Variants in IGFL2 observed in about 807,000 individuals in gnomAD.
IGFL2 encodes the protein insulin growth factor-like family member 2.
IGFL2 carries 7 observed loss-of-function variants against 13.9 expected under a neutral mutation model. That is an observed-to-expected ratio of 0.51 (90% CI 0.29 to 0.95). The LOEUF (loss-of-function observed/expected upper bound fraction) is 0.95. IGFL2 is among the 40% of genes least tolerant of loss of function. The probability of loss-of-function intolerance (pLI) is 0.08; values close to 1 mark genes in which losing one functional copy is unlikely to be tolerated. For missense variants in IGFL2, 138 were observed against 147.8 expected (o/e 0.93, Z 0.34); for synonymous variants, 55 against 55.8 (o/e 0.99, Z 0.07).
the IGFL2 span, among the ~76,000 whole-genome samples, chr19:46,084,899 A>T: frequency 6.6e-6 from 1 of 152,302 alleles, no homozygotes; most frequent in East Asian, 1.9e-4. Context: ...ACGTTGCAAA[A>T]TACAACCATG....
At chr19:46,206,196 C>T in the IGFL2 span, among the ~76,000 whole-genome samples, 1 of 152,116 alleles carries the variant, frequency 6.6e-6, no homozygotes, top group Non-Finnish European at 1.5e-5. Context: ...TCTGACACCC[C>T]CTGCCCCGTC....
At chr19:46,133,584 C>G in the IGFL2 span, among the ~76,000 whole-genome samples, 1 of 152,354 alleles carries the variant, frequency 6.6e-6, no homozygotes, top group Middle Eastern at 3.4e-3. Context: ...TGGGCCTGTT[C>G]AGGCATGCCA....
the IGFL2 span, chr19:46,213,343 T>G: frequency 6.6e-6 from 1 of 152,502 alleles, no homozygotes; most frequent in Admixed American, 6.5e-5. Context: ...CCAGCCTGTC[T>G]CTGCAGGAGG....
At chr19:46,188,274 T>TG in the IGFL2 span, among the ~76,000 whole-genome samples, 1 of 152,144 alleles carries the variant, frequency 6.6e-6, no homozygotes, top group South Asian at 2.1e-4. Flanking sequence ...TCAGGGTTAG[T>TG]GGGGGGCCCA....
At chr19:46,123,186 T>C in the IGFL2 span, among the ~76,000 whole-genome samples, 16 of 150,756 alleles carry the variant, frequency 1.1e-4, no homozygotes. Flanking sequence ...TTAGAAACCA[T>C]AATAAAAGGA....
chr19:46,100,402 C>T, the IGFL2 span, among the ~76,000 whole-genome samples: 11 of 152,190 alleles, frequency 7.2e-5, no homozygotes, highest in African/African-American at 2.4e-4. Context: ...ATTTTAAGGG[C>T]TCCAAATTTA....
At chr19:46,141,543 C>G (rs1461005803), upstream of IGFL2, among the ~76,000 whole-genome samples, 1 of 152,128 alleles carries the variant, frequency 6.6e-6, no homozygotes, top group African/African-American at 2.4e-5. Flanking sequence ...GCCTGCCTTT[C>G]CCTCTAGCAC....
At chr19:46,124,437 G>C in the IGFL2 span, 1 of 1,260,870 alleles carries the variant, frequency 7.9e-7, no homozygotes, top group East Asian at 2.4e-5. Flanking sequence ...TTATCACTTG[G>C]GGCTAAGTCT....
chr19:46,150,061 T>TA (rs1483290187), intron 1 of IGFL2, among the ~76,000 whole-genome samples: 1 of 152,252 alleles, frequency 6.6e-6, no homozygotes, highest in Non-Finnish European at 1.5e-5. Flanking sequence ...TCCTGTTTAT[T>TA]ACAGTCATCT....
the IGFL2 span, among the ~76,000 whole-genome samples, chr19:46,078,705 C>T: frequency 2.0e-5 from 3 of 152,268 alleles, no homozygotes; most frequent in Non-Finnish European, 2.9e-5. Context: ...AGGCCTGTGA[C>T]GCACTCTCTC....
chr19:46,213,033 C>T, the IGFL2 span: 1 of 152,332 alleles, frequency 6.6e-6, no homozygotes. Flanking sequence ...TTACTGCATC[C>T]TGGGCCATGG....
chr19:46,174,758 G>A, the IGFL2 span, among the ~76,000 whole-genome samples: 1 of 152,268 alleles, frequency 6.6e-6, no homozygotes, highest in African/African-American at 2.4e-5. Context: ...GAACTGGCAG[G>A]TGACTCCAAC....
intron 1 of IGFL2, chr19:46,149,077 G>T (rs1973301400): frequency 1.5e-5 from 23 of 1,523,162 alleles, no homozygotes; most frequent in Non-Finnish European, 1.6e-5. Context: ...GAGTTTTGTT[G>T]TGTGTATTCC....
the IGFL2 span, among the ~76,000 whole-genome samples, chr19:46,176,409 G>A: frequency 1.3e-5 from 2 of 152,186 alleles, no homozygotes; most frequent in Admixed American, 6.5e-5. Flanking sequence ...GGGACACACT[G>A]AGAGCTGGAG....
At chr19:46,114,065 G>C in the IGFL2 span, among the ~76,000 whole-genome samples, 1 of 152,180 alleles carries the variant, frequency 6.6e-6, no homozygotes, top group Admixed American at 6.5e-5. Flanking sequence ...CACACTTGTA[G>C]GAAGTCAGAC....
downstream of IGFL2, chr19:46,164,309 A>G (rs1974293988): frequency 6.6e-6 from 1 of 152,134 alleles, no homozygotes; most frequent in Admixed American, 6.5e-5. Flanking sequence ...ACCCATTTAA[A>G]GAAGAAGTCT....
At chr19:46,197,838 G>A in the IGFL2 span, among the ~76,000 whole-genome samples, 21 of 152,126 alleles carry the variant, frequency 1.4e-4, no homozygotes, top group Middle Eastern at 3.4e-3. Context: ...GGCCAGGACA[G>A]GAGCCCTGGA....
At chr19:46,123,821 C>T in the IGFL2 span, 1 of 1,506,838 alleles carries the variant, frequency 6.6e-7, no homozygotes, top group Non-Finnish European at 8.9e-7. Flanking sequence ...AGTTCCTCTT[C>T]AAGCCCTCTG....
At chr19:46,120,733 C>T in the IGFL2 span, among the ~76,000 whole-genome samples, 1 of 150,936 alleles carries the variant, frequency 6.6e-6, no homozygotes, top group Non-Finnish European at 1.5e-5. Flanking sequence ...TTATAAACTT[C>T]TATAATTTGG....
Sources: gnomAD v4.1 joint callset for allele counts (sites outside exome capture counted in the v4.1 genomes callset) on GRCh38, gnomAD v4.1.1 for gene constraint, MANE v1.5 for transcripts, NCBI Gene and HGNC (gene_info 2026-07-23, HGNC 2026-07-21) for gene names.